The following ANO2 variants were observed in gnomAD, a reference collection of about 807,000 sequenced individuals.
ANO2 encodes anoctamin-2.
A neutral mutation model predicts 124.2 loss-of-function variants in ANO2; 101 were observed. The ratio of observed to expected loss-of-function variants is 0.81; its 90% confidence interval spans 0.69 to 0.96. ANO2 has a LOEUF of 0.96. Among genes scored for constraint, ANO2 ranks in the 40% least tolerant of loss-of-function variants. The probability of loss-of-function intolerance (pLI) is 0.00; values close to 1 mark genes in which losing one functional copy is unlikely to be tolerated. For synonymous variants in ANO2, 486 were observed against 482.5 expected (o/e 1.01, Z -0.09); for missense variants, 1,293 against 1,274.5 (o/e 1.01, Z -0.22).
chr12:5,608,136 C>G (rs1265150181), intron 19 of ANO2, among the ~76,000 whole-genome samples: 1 of 151,938 alleles, frequency 6.6e-6, no homozygotes, highest in African/African-American at 2.4e-5. Context: ...TCCTTCCTCA[C>G]TGGCAGGCTC....
intron 7 of ANO2, among the ~76,000 whole-genome samples, chr12:5,814,202 C>T (rs1953526745): frequency 6.6e-6 from 1 of 152,226 alleles, no homozygotes; most frequent in Admixed American, 6.5e-5. Context: ...ATGATAAGAG[C>T]TCTACTATTG....
intron 4 of ANO2, among the ~76,000 whole-genome samples, chr12:5,841,779 C>T (rs1327686063): frequency 6.6e-6 from 1 of 152,234 alleles, no homozygotes; most frequent in Non-Finnish European, 1.5e-5. Context: ...TTCCTCTCCC[C>T]CACTTTCATC....
At chr12:5,883,067 C>T (rs1350678440) in intron 3 of ANO2, among the ~76,000 whole-genome samples, 5 of 152,130 alleles carry the variant, frequency 3.3e-5, no homozygotes, top group African/African-American at 9.7e-5. Context: ...CCACCCACCA[C>T]GTGCCCCATT....
chr12:5,578,593 C>T, intron 20 of ANO2, 75 bp from the exon 21 acceptor site: 1 of 1,456,820 alleles, frequency 6.9e-7, no homozygotes, highest in Admixed American at 2.3e-5. Context: ...GCAGCTACAG[C>T]CCCTTGTCCT....
intron 20 of ANO2, among the ~76,000 whole-genome samples, chr12:5,579,053 C>A (rs1290226746): frequency 6.6e-6 from 1 of 152,242 alleles, no homozygotes; most frequent in Non-Finnish European, 1.5e-5. Context: ...TTTGCCTTCC[C>A]TTGAAATAGC....
intron 14 of ANO2, among the ~76,000 whole-genome samples, chr12:5,688,933 A>C (rs1193517009): frequency 6.6e-6 from 1 of 151,994 alleles, no homozygotes; most frequent in Non-Finnish European, 1.5e-5. Flanking sequence ...GTTGTGCACA[A>C]GAAGTGCAAG....
At chr12:5,866,851 G>A (rs1299571776) in intron 3 of ANO2, among the ~76,000 whole-genome samples, 1 of 152,256 alleles carries the variant, frequency 6.6e-6, no homozygotes, top group African/African-American at 2.4e-5. Flanking sequence ...GATAAAAGAT[G>A]AGAGAGTCCG....
At chr12:5,896,331 C>G (rs1270230432) in intron 3 of ANO2, among the ~76,000 whole-genome samples, 1 of 152,092 alleles carries the variant, frequency 6.6e-6, no homozygotes, top group African/African-American at 2.4e-5. Context: ...AGATCAACAA[C>G]TAATAAAATC....
intron 19 of ANO2, among the ~76,000 whole-genome samples, chr12:5,603,944 CAA>C (rs63415160): frequency 2.7e-5 from 2 of 74,148 alleles, no homozygotes; most frequent in African/African-American, 5.8e-5. Flanking sequence ...GATTCCGTCT[CAA>C]AAAAAAAAAA....
chr12:5,761,309 G>C (rs1049221092), intron 10 of ANO2, among the ~76,000 whole-genome samples: 9 of 151,966 alleles, frequency 5.9e-5, no homozygotes, highest in Admixed American at 1.3e-4. Flanking sequence ...GGGGAAAAAG[G>C]CTCTTTATTT....
At chr12:5,941,936 T>C (rs918983072) in intron 1 of ANO2, among the ~76,000 whole-genome samples, 21 of 152,146 alleles carry the variant, frequency 1.4e-4, no homozygotes, top group Non-Finnish European at 2.4e-4. Context: ...AAAATAAGGA[T>C]GAAATAAAGA....
At chr12:5,767,084 C>G (rs1045542927) in intron 10 of ANO2, among the ~76,000 whole-genome samples, 2 of 152,226 alleles carry the variant, frequency 1.3e-5, no homozygotes, top group African/African-American at 4.8e-5. Flanking sequence ...CCAGCCCTGT[C>G]AGCTGGAGGG....
upstream of ANO2, chr12:5,946,117 G>C (rs745543801): frequency 1.9e-6 from 3 of 1,610,884 alleles, no homozygotes; most frequent in South Asian, 3.3e-5. The surrounding 1 kb of genome is among the most constrained non-coding windows in gnomAD (Gnocchi z 4.1). Context: ...GAAGTACTAT[G>C]TTAAGGTCAA....
intron 7 of ANO2, among the ~76,000 whole-genome samples, chr12:5,821,892 A>T (rs1458442381): frequency 6.6e-6 from 1 of 152,144 alleles, no homozygotes; most frequent in Admixed American, 6.5e-5. Flanking sequence ...AAAGTGGCTC[A>T]AATGCTCATG....
chr12:5,726,666 A>C (rs995066575), intron 14 of ANO2, among the ~76,000 whole-genome samples: 1 of 152,240 alleles, frequency 6.6e-6, no homozygotes, highest in Admixed American at 6.5e-5. Flanking sequence ...TGCACATTAC[A>C]TACAATAAGC....
At chr12:5,928,064 G>A (rs1942169716) in intron 1 of ANO2, among the ~76,000 whole-genome samples, 1 of 152,152 alleles carries the variant, frequency 6.6e-6, no homozygotes, top group South Asian at 2.1e-4. Context: ...GGCAGAAAGT[G>A]AGTTCACTAA....
At chr12:5,875,061 G>T (rs896240217) in intron 3 of ANO2, among the ~76,000 whole-genome samples, 6 of 152,194 alleles carry the variant, frequency 3.9e-5, no homozygotes, top group Admixed American at 3.9e-4. Flanking sequence ...AGACATATCT[G>T]CACCTGGCCC....
At chr12:5,880,453 CAG>C (rs1208685852) in intron 3 of ANO2, among the ~76,000 whole-genome samples, 1 of 151,440 alleles carries the variant, frequency 6.6e-6, no homozygotes, top group Non-Finnish European at 1.5e-5. Flanking sequence ...CATCTGAAGA[CAG>C]AACTCTGAGA....
At chr12:5,594,646 G>A (rs547538129) in intron 20 of ANO2, among the ~76,000 whole-genome samples, 1 of 152,188 alleles carries the variant, frequency 6.6e-6, no homozygotes, top group African/African-American at 2.4e-5. Context: ...GACCAGCCTG[G>A]GCAACACAGT....
Sources: allele counts gnomAD v4.1 joint callset (sites outside exome capture counted in the v4.1 genomes callset), GRCh38; gene constraint gnomAD v4.1.1; non-coding constraint Gnocchi (gnomAD v3.1); transcripts MANE v1.5; gene names NCBI Gene and HGNC (gene_info 2026-07-23, HGNC 2026-07-21).